RABGAP1L: variants seen among roughly 807,000 people sequenced by gnomAD.
RABGAP1L encodes the protein rab GTPase-activating protein 1-like.
A neutral mutation model predicts 137.7 loss-of-function variants in RABGAP1L; 63 were observed. The ratio of observed to expected loss-of-function variants is 0.46; its 90% confidence interval spans 0.37 to 0.56. The LOEUF is 0.56. Among genes scored for constraint, RABGAP1L ranks in the 20% least tolerant of loss-of-function variants. The pLI is 0.00. For synonymous variants in RABGAP1L, 431 were observed against 433.7 expected (o/e 0.99, Z 0.08); for missense variants, 1,095 against 1,244.0 (o/e 0.88, Z 1.80).
intron 13 of RABGAP1L, among the ~76,000 whole-genome samples, chr1:174,469,859 C>A (rs1299933300): frequency 6.6e-6 from 1 of 152,136 alleles, no homozygotes; most frequent in Non-Finnish European, 1.5e-5. Flanking sequence ...AATGTCTCAG[C>A]TGCCTTCACT....
At chr1:174,333,987 G>A (rs1350868272) in intron 11 of RABGAP1L, among the ~76,000 whole-genome samples, 5 of 152,116 alleles carry the variant, frequency 3.3e-5, no homozygotes, top group African/African-American at 9.7e-5. Flanking sequence ...AATTATCACT[G>A]GTCATCTGGA....
rs1186849943 is a variant in RABGAP1L at position 174,623,976 on chromosome 1, A to G, written c.1711-13399A>G. On this transcript the variant is annotated intron_variant, in intron 13 of 25. Transcript: ENST00000681986. Reference sequence around the variant, plus strand: ...AAACCAAACTGGAACCAATGGCTTAACAAAACTGAGACTTCAGAGACTATG... The same window carrying G: ...AAACCAAACTGGAACCAATGGCTTAGCAAAACTGAGACTTCAGAGACTATG... Among the ~76,000 whole-genome samples, 4 of 152,228 alleles carry G rather than the reference A, an allele frequency of 2.6e-5. No individual in the cohort carries two copies. In the East Asian group the frequency reaches 7.7e-4, roughly 29 times the overall value.
At chr1:174,946,978 G>GTA (rs1273519158) in intron 19 of RABGAP1L, among the ~76,000 whole-genome samples, 2,027 of 105,678 alleles carry the variant, frequency 0.019, 47 homozygotes, top group South Asian at 0.028. Flanking sequence ...GTGTGTGTGT[G>GTA]TGTATATATA....
At chr1:174,420,866 G>A (rs1251798897) in intron 13 of RABGAP1L, among the ~76,000 whole-genome samples, 1 of 151,884 alleles carries the variant, frequency 6.6e-6, no homozygotes, top group Admixed American at 6.6e-5. Flanking sequence ...TAGTAGAGAT[G>A]GGGTTTCACC....
chr1:174,632,655 A>G (rs1446502173), intron 13 of RABGAP1L, among the ~76,000 whole-genome samples: 18 of 149,438 alleles, frequency 1.2e-4, no homozygotes, highest in South Asian at 6.5e-4. Flanking sequence ...ATCTTCCATC[A>G]CTGATACCCT....
In RABGAP1L at chr1:174,664,730, C is replaced by CTTTTTTTTTTTTTTTTTTTTTTTT. The variant is rs747671420; in HGVS notation, c.1825-18789_1825-18788insTTTTTTTTTTTTTTTTTTTTTTTT. ...CTCTCTCTTTCTTTCTTTCTTTCTGCTTTCTTTTTTTTTTTTTTTTTTTTT... is the reference window on the plus strand; with the variant it reads ...CTCTCTCTTTCTTTCTTTCTTTCTGCTTTTTTTTTTTTTTTTTTTTTTTTTTTCTTTTTTTTTTTTTTTTTTTTT... On this transcript the variant is annotated intron_variant, in intron 14 of 25. Transcript: ENST00000681986. Among the ~76,000 whole-genome samples, 34 of 98,898 alleles carry CTTTTTTTTTTTTTTTTTTTTTTTT rather than the reference C, an allele frequency of 3.4e-4. 6 individuals are homozygous for CTTTTTTTTTTTTTTTTTTTTTTTT. The highest frequency in any genetic ancestry group is 1.3e-3 in the African/African-American group (21 of 15,666). The allele number at this position is 98,898 out of a possible 152,430, so 64.9% of individuals were successfully genotyped here.
chr1:174,972,504 A>G (rs1670223353), intron 21 of RABGAP1L, among the ~76,000 whole-genome samples: 1 of 152,200 alleles, frequency 6.6e-6, no homozygotes, highest in African/African-American at 2.4e-5. Context: ...GAGACATTAT[A>G]AGATATTGTT....
chr1:174,598,195 G>A (rs1053501559), intron 13 of RABGAP1L, among the ~76,000 whole-genome samples: 3 of 152,018 alleles, frequency 2.0e-5, no homozygotes, highest in Admixed American at 2.0e-4. Flanking sequence ...GGGCATGTTG[G>A]TGCATGCCTG....
At chr1:174,482,546 A>G (rs1346769190) in intron 13 of RABGAP1L, among the ~76,000 whole-genome samples, 1 of 152,210 alleles carries the variant, frequency 6.6e-6, no homozygotes, top group African/African-American at 2.4e-5. Flanking sequence ...ACTGGAGTGC[A>G]GTGGCACAAT....
At chr1:174,773,826 C>T (rs1686311457) in intron 18 of RABGAP1L, among the ~76,000 whole-genome samples, 1 of 152,170 alleles carries the variant, frequency 6.6e-6, no homozygotes, top group Non-Finnish European at 1.5e-5. Flanking sequence ...CTGTTTAATG[C>T]TCTGGTTAAA....
At chr1:174,662,374 G>T (rs1231087963) in intron 14 of RABGAP1L, among the ~76,000 whole-genome samples, 1 of 151,854 alleles carries the variant, frequency 6.6e-6, no homozygotes, top group Non-Finnish European at 1.5e-5. Flanking sequence ...AAAATGCTGG[G>T]ATTACAGGCG....
intron 18 of RABGAP1L, among the ~76,000 whole-genome samples, chr1:174,771,015 C>A (rs547971067): frequency 6.6e-6 from 1 of 152,266 alleles, no homozygotes; most frequent in Non-Finnish European, 1.5e-5. Flanking sequence ...AGGCAGAATG[C>A]CAAATTCATT....
At chr1:174,185,100 A>G (rs1330384465) in intron 1 of RABGAP1L, among the ~76,000 whole-genome samples, 6 of 152,150 alleles carry the variant, frequency 3.9e-5, no homozygotes, top group African/African-American at 1.4e-4. Flanking sequence ...ATTTCAATGA[A>G]GTGTTTCTAG....
intron 19 of RABGAP1L, among the ~76,000 whole-genome samples, chr1:174,934,432 A>G (rs6684229): frequency 0.37 from 56,531 of 151,928 alleles, 13,875 homozygotes; most frequent in African/African-American, 0.7. Flanking sequence ...ATCTGATGTA[A>G]GAATGTACAG....
intron 18 of RABGAP1L, among the ~76,000 whole-genome samples, chr1:174,769,603 C>T (rs1308131269): frequency 1.3e-5 from 2 of 152,152 alleles, no homozygotes; most frequent in Admixed American, 6.5e-5. Context: ...AAACTATAAA[C>T]TAAATGTTTC....
intron 17 of RABGAP1L, among the ~76,000 whole-genome samples, chr1:174,723,772 T>C (rs1164591187): frequency 2.0e-5 from 3 of 152,226 alleles, no homozygotes; most frequent in African/African-American, 4.8e-5. Context: ...CAAAGAGATA[T>C]AGCATATTTG....
intron 13 of RABGAP1L, among the ~76,000 whole-genome samples, chr1:174,617,494 A>G (rs1003141262): frequency 6.6e-6 from 1 of 152,252 alleles, no homozygotes; most frequent in African/African-American, 2.4e-5. Flanking sequence ...TCTCTCAGGA[A>G]CAAATCCTTC....
intron 11 of RABGAP1L, among the ~76,000 whole-genome samples, chr1:174,364,701 C>CT (rs945864289): frequency 7.7e-4 from 117 of 152,282 alleles, no homozygotes; most frequent in Admixed American, 1.7e-3. Context: ...TGTAATGTCT[C>CT]TTTTTTATCT....
Position 174,305,024 on chromosome 1 carries a change from A to G in RABGAP1L, c.1362A>G (p.Ile454Met). 3 of 1,565,506 alleles carry G rather than the reference A, an allele frequency of 1.9e-6. No individual in the cohort carries two copies. Among genetic ancestry groups the G allele is most frequent in the South Asian group, 1.2e-5 (1 of 82,392 alleles). ...GCCATACCAATGCTGGAGATGCAAT[A>G]TATGAGGTGGTGAGTCTACAGCGAG... ...GKGHTNAGDAIYEVVSLQRES... is the reference protein window; with the variant it reads ...GKGHTNAGDAMYEVVSLQRES... The change falls in exon 11 of 26, where the codon ATA becomes ATG. Residue 454 changes from isoleucine to methionine, a missense_variant. Physicochemically the swap from Ile to Met is conservative, Grantham distance 10. This residue lies in a region of RABGAP1L where 315 missense variants were observed against 324.8 expected (regional missense o/e 0.97). Coordinates refer to ENST00000681986, the MANE Select transcript of RABGAP1L (RefSeq NM_001366446.1).
Sources: allele counts gnomAD v4.1 joint callset (sites outside exome capture counted in the v4.1 genomes callset), GRCh38; gene constraint gnomAD v4.1.1; regional missense constraint gnomAD v4.1.1; transcripts MANE v1.5; gene names NCBI Gene and HGNC (gene_info 2026-07-23, HGNC 2026-07-21).